Variants in LMNTD1 observed in about 807,000 individuals in gnomAD.
The protein encoded by LMNTD1 is lamin tail domain containing 1.
A neutral mutation model predicts 50.9 loss-of-function variants in LMNTD1; 35 were observed. The observed-to-expected ratio is 0.69, with a 90% CI of 0.53 to 0.91. The LOEUF (loss-of-function observed/expected upper bound fraction) is 0.91, where lower values mean the gene tolerates loss of function less well. Ranked by LOEUF, LMNTD1 falls within the 40% of genes least tolerant of loss-of-function variation. The pLI is 0.00. For synonymous variants in LMNTD1, 153 were observed against 161.9 expected, an observed-to-expected ratio of 0.94 and a Z score of 0.42; for missense variants, 470 against 475.5, an observed-to-expected ratio of 0.99 and a Z score of 0.11.
intron 4 of LMNTD1, among the ~76,000 whole-genome samples, chr12:25,527,691 C>T (rs2036855): frequency 0.02 from 1,570 of 77,672 alleles, 10 homozygotes; most frequent in Admixed American, 0.025. Context: ...TACACACACA[C>T]ACACACACAC....
At chr12:25,605,860 A>G (rs558496850) in intron 1 of LMNTD1, among the ~76,000 whole-genome samples, 21 of 152,276 alleles carry the variant, frequency 1.4e-4, no homozygotes, top group South Asian at 1.0e-3. Context: ...GTTTTTTCCA[A>G]TTCTATGAAG....
At chr12:25,491,989 G>A (rs1326127011) in intron 9 of LMNTD1, among the ~76,000 whole-genome samples, 1 of 152,194 alleles carries the variant, frequency 6.6e-6, no homozygotes, top group Non-Finnish European at 1.5e-5. Flanking sequence ...ACAGAAGGGA[G>A]AGATATACGT....
intron 1 of LMNTD1, among the ~76,000 whole-genome samples, chr12:25,579,767 C>T (rs1480290423): frequency 6.6e-6 from 1 of 152,100 alleles, no homozygotes; most frequent in African/African-American, 2.4e-5. Context: ...TATACTCAAC[C>T]AACCACTACA....
Position 25,479,768 on chromosome 12 carries a change from G to A in LMNTD1, c.*23-3308C>T, listed in dbSNP as rs916280559. Among the ~76,000 whole-genome samples, 10 of 152,232 alleles carry A rather than the reference G, an allele frequency of 6.6e-5. No individual in the cohort carries two copies. In the South Asian group the frequency reaches 8.3e-4, roughly 13 times the overall value. On this transcript the variant is annotated intron_variant, in intron 9 of 9. Coordinates refer to ENST00000458174, the MANE Select transcript of LMNTD1 (RefSeq NM_001145728.2). ...GTGTCTATTCCAGTGAAGACAAATCGCTGCCCTTTTCATGATAGAAGAGGT... is the reference window on the plus strand; with the variant it reads ...GTGTCTATTCCAGTGAAGACAAATCACTGCCCTTTTCATGATAGAAGAGGT...
intron 1 of LMNTD1, among the ~76,000 whole-genome samples, chr12:25,624,879 T>C (rs1028601734): frequency 6.6e-6 from 1 of 152,226 alleles, no homozygotes; most frequent in African/African-American, 2.4e-5. Context: ...CAAAAGCAAG[T>C]ATCCCAGCAT....
chr12:25,568,245 A>G (rs1944640865), intron 1 of LMNTD1, among the ~76,000 whole-genome samples: 1 of 152,244 alleles, frequency 6.6e-6, no homozygotes, highest in South Asian at 2.1e-4. Flanking sequence ...AAGAGTGATG[A>G]CTTAGAGTAT....
chr12:25,588,968 T>C (rs1348530192), intron 1 of LMNTD1, among the ~76,000 whole-genome samples: 2 of 152,114 alleles, frequency 1.3e-5, no homozygotes, highest in East Asian at 1.9e-4. Context: ...GTTTTAAAAG[T>C]CACAATAAGA....
intron 1 of LMNTD1, among the ~76,000 whole-genome samples, chr12:25,642,518 C>T (rs1400835444): frequency 1.3e-5 from 2 of 152,108 alleles, no homozygotes; most frequent in Non-Finnish European, 1.5e-5. Flanking sequence ...AAATGTTTGT[C>T]GTTTAATCCT....
chr12:25,543,662 C>T (rs560110176), intron 4 of LMNTD1, among the ~76,000 whole-genome samples: 16 of 150,832 alleles, frequency 1.1e-4, no homozygotes, highest in African/African-American at 3.9e-4. Flanking sequence ...TCCTAGTTCT[C>T]CTTGAGATAC....
chr12:25,616,456 T>C (rs1946356103), intron 1 of LMNTD1, among the ~76,000 whole-genome samples: 2 of 152,202 alleles, frequency 1.3e-5, no homozygotes, highest in South Asian at 4.1e-4. Flanking sequence ...ACTGTATGAT[T>C]ACACTTACGT....
intron 4 of LMNTD1, among the ~76,000 whole-genome samples, chr12:25,532,877 C>T (rs1411857341): frequency 6.6e-6 from 1 of 151,998 alleles, no homozygotes; most frequent in Non-Finnish European, 1.5e-5. Flanking sequence ...TTTGACAGAA[C>T]ATCCTTTTGT....
intron 6 of LMNTD1, among the ~76,000 whole-genome samples, chr12:25,522,436 A>G (rs1237948526): frequency 1.3e-5 from 2 of 152,220 alleles, no homozygotes; most frequent in African/African-American, 2.4e-5. Flanking sequence ...TGTCGGCCAC[A>G]TGAAACTTAC....
At chr12:25,581,124 C>T (rs750412913) in intron 1 of LMNTD1, among the ~76,000 whole-genome samples, 4 of 152,240 alleles carry the variant, frequency 2.6e-5, no homozygotes, top group Middle Eastern at 3.4e-3. Context: ...CCTGTAGCAG[C>T]GTACATAAGA....
At chr12:25,613,987 G>A (rs539069723) in intron 1 of LMNTD1, among the ~76,000 whole-genome samples, 10 of 151,888 alleles carry the variant, frequency 6.6e-5, no homozygotes, top group Non-Finnish European at 1.3e-4. Flanking sequence ...AAAGGGAAAA[G>A]CAGAGAGGAG....
At chr12:25,480,282 A>T (rs143023589) in intron 9 of LMNTD1, among the ~76,000 whole-genome samples, 1 of 152,350 alleles carries the variant, frequency 6.6e-6, no homozygotes, top group East Asian at 1.9e-4. Flanking sequence ...GTATTTTATC[A>T]TGATTTTCTG....
intron 3 of LMNTD1, among the ~76,000 whole-genome samples, chr12:25,547,881 A>G (rs1943523311): frequency 6.6e-6 from 1 of 151,836 alleles, no homozygotes; most frequent in Non-Finnish European, 1.5e-5. Flanking sequence ...ACATCTATCT[A>G]GAGAAGTGGA....
chr12:25,516,311 T>C (rs1940768618), intron 8 of LMNTD1, among the ~76,000 whole-genome samples: 1 of 152,218 alleles, frequency 6.6e-6, no homozygotes, highest in African/African-American at 2.4e-5. Flanking sequence ...CTACAAAATA[T>C]GCACATACGG....
intron 9 of LMNTD1, among the ~76,000 whole-genome samples, chr12:25,495,675 A>C (rs1286296646): frequency 6.6e-6 from 1 of 152,186 alleles, no homozygotes; most frequent in Non-Finnish European, 1.5e-5. Flanking sequence ...CTGCATGAAC[A>C]TCAACATTTA....
Position 25,549,534 on chromosome 12 carries a change from T to A in LMNTD1, c.102A>T (p.Lys34Asn), listed in dbSNP as rs1426175055. ...AATGTACTAAAGAATATACTCCAAG[T>A]TTGTCTTCTCTTCTGTGTACAAAAA... Reference protein sequence around the residue: ...KNEKQKQREDKLGVYSLVHFS... With the variant: ...KNEKQKQREDNLGVYSLVHFS... The change falls in exon 3 of 10, where the codon AAA becomes AAT. Residue 34 changes from lysine (K) to asparagine (N), a missense_variant. By Grantham distance (94) the Lys-to-Asn change is moderately conservative. Coordinates refer to ENST00000458174, the MANE Select transcript of LMNTD1 (RefSeq NM_001145728.2). 1 of 1,603,128 alleles carries A rather than the reference T, an allele frequency of 6.2e-7. No homozygotes were observed. The highest frequency in any genetic ancestry group is 8.5e-7 in the Non-Finnish European group (1 of 1,171,756).
Sources: allele counts gnomAD v4.1 joint callset (sites outside exome capture counted in the v4.1 genomes callset), GRCh38; gene constraint gnomAD v4.1.1; transcripts MANE v1.5; gene names NCBI Gene and HGNC (gene_info 2026-07-23, HGNC 2026-07-21).